The following ANKRD44 variants were observed in gnomAD, a reference collection of about 807,000 sequenced individuals.
ANKRD44 encodes serine/threonine-protein phosphatase 6 regulatory ankyrin repeat subunit B.
In ANKRD44, 35 loss-of-function variants were observed where a neutral mutation model predicts 116.0. The observed-to-expected ratio is 0.30, with a 90% CI of 0.23 to 0.40. The LOEUF is 0.40. Ranked by LOEUF, ANKRD44 falls within the 10% of genes least tolerant of loss-of-function variation. The pLI is 1.00. For synonymous variants in ANKRD44, 435 were observed against 461.8 expected (o/e 0.94, Z 0.74); for missense variants, 1,014 against 1,242.6 (o/e 0.82, Z 2.77).
At chr2:197,238,559 A>G (rs2082022629) in intron 1 of ANKRD44, among the ~76,000 whole-genome samples, 1 of 152,198 alleles carries the variant, frequency 6.6e-6, no homozygotes, top group Non-Finnish European at 1.5e-5. Context: ...GTTCAGCATC[A>G]TGTTACAGAA....
At chr2:197,179,413 C>T (rs570788926) in intron 2 of ANKRD44, among the ~76,000 whole-genome samples, 1 of 152,312 alleles carries the variant, frequency 6.6e-6, no homozygotes, top group East Asian at 1.9e-4. Flanking sequence ...CTTCTTTCTA[C>T]CTAATAATGT....
intron 1 of ANKRD44, among the ~76,000 whole-genome samples, chr2:197,259,806 A>T (rs1035870504): frequency 2.0e-5 from 3 of 152,216 alleles, no homozygotes; most frequent in African/African-American, 7.2e-5. Flanking sequence ...CTCCTGGGGC[A>T]TATAACCACC....
At chr2:197,257,414 A>T (rs1187586187) in intron 1 of ANKRD44, among the ~76,000 whole-genome samples, 1 of 152,146 alleles carries the variant, frequency 6.6e-6, no homozygotes, top group Non-Finnish European at 1.5e-5. Flanking sequence ...AACAGGCAGT[A>T]ACAGTCAGCT....
chr2:197,022,252 A>G (rs1440848605), intron 17 of ANKRD44, among the ~76,000 whole-genome samples: 1 of 152,242 alleles, frequency 6.6e-6, no homozygotes, highest in Admixed American at 6.5e-5. Flanking sequence ...GAGAGAAAGA[A>G]TAAAATGACT....
At chr2:197,262,912 A>C (rs1326297947) in intron 1 of ANKRD44, among the ~76,000 whole-genome samples, 2 of 152,180 alleles carry the variant, frequency 1.3e-5, no homozygotes, top group African/African-American at 4.8e-5. Flanking sequence ...TAAAAAAACA[A>C]AAACAAAAAC....
chr2:197,223,361 G>GT (rs1269126112), intron 1 of ANKRD44, among the ~76,000 whole-genome samples: 1 of 152,076 alleles, frequency 6.6e-6, no homozygotes, highest in East Asian at 1.9e-4. Flanking sequence ...AAATAATGTA[G>GT]TTTTTTAAAG....
chr2:196,987,424 G>A lies in ANKRD44; in HGVS notation c.*2167C>T. 1 of 985,070 alleles carries A rather than the reference G, an allele frequency of 1.0e-6. No individual in the cohort carries two copies. Among genetic ancestry groups the A allele is most frequent in the Non-Finnish European group, 1.2e-6 (1 of 829,770 alleles). The allele number at this position is 985,070 out of a possible 1,614,324, so 61.0% of individuals were successfully genotyped here. Reference sequence around the variant, plus strand: ...TTTCAGAATATACAAATATAAAAAGGCACTCTAACTTCATATTACAAGACA... The same window carrying A: ...TTTCAGAATATACAAATATAAAAAGACACTCTAACTTCATATTACAAGACA... On this transcript the variant is annotated 3_prime_UTR_variant, in exon 28 of 28. Transcript: ENST00000282272.
chr2:196,976,936 TTTTCCACTGAAAAACTA>T (rs1291879066), intron 21 of ANKRD44, among the ~76,000 whole-genome samples: 1 of 151,892 alleles, frequency 6.6e-6, no homozygotes, highest in Non-Finnish European at 1.5e-5. Context: ...AAGGAATAGT[TTTTCCACTGAAAAACTA>T]TTAGTGTTCA....
chr2:197,022,984 T>A (rs2076525485), intron 17 of ANKRD44, among the ~76,000 whole-genome samples: 2 of 152,244 alleles, frequency 1.3e-5, no homozygotes, highest in African/African-American at 2.4e-5. Flanking sequence ...CTGGATACTC[T>A]GCAAGGGCAG....
intron 1 of ANKRD44, among the ~76,000 whole-genome samples, chr2:197,259,943 G>GA (rs969810902): frequency 6.6e-6 from 1 of 152,096 alleles, no homozygotes; most frequent in African/African-American, 2.4e-5. Context: ...AAGAAAGAAA[G>GA]AAAAGAATGT....
At chr2:197,014,818 C>T (rs574473324) in intron 17 of ANKRD44, among the ~76,000 whole-genome samples, 3 of 151,660 alleles carry the variant, frequency 2.0e-5, no homozygotes, top group Admixed American at 6.6e-5. Context: ...ATGCTTTGTA[C>T]CATCAAAAAA....
intron 1 of ANKRD44, among the ~76,000 whole-genome samples, chr2:197,208,790 ACT>A (rs1182384230): frequency 1.3e-5 from 2 of 151,924 alleles, no homozygotes; most frequent in Non-Finnish European, 1.5e-5. Context: ...ACAGAGCGAG[ACT>A]CTGTCTCAAA....
chr2:197,143,760 G>A (rs1574541146), intron 3 of ANKRD44, among the ~76,000 whole-genome samples: 1 of 152,050 alleles, frequency 6.6e-6, no homozygotes, highest in African/African-American at 2.4e-5. Flanking sequence ...CTCCTGAGTA[G>A]CTGGGATTAC....
intron 1 of ANKRD44, among the ~76,000 whole-genome samples, chr2:197,211,434 T>C (rs890874561): frequency 2.6e-5 from 4 of 152,200 alleles, no homozygotes; most frequent in African/African-American, 4.8e-5. Context: ...AACCAGGTAC[T>C]TCCACCAAAG....
At chr2:197,230,850 C>G (rs757302563) in intron 1 of ANKRD44, among the ~76,000 whole-genome samples, 3 of 152,094 alleles carry the variant, frequency 2.0e-5, no homozygotes, top group Non-Finnish European at 2.9e-5. Flanking sequence ...GGTGGACAAA[C>G]CAGCAGAGGC....
At chr2:197,272,937 T>C (rs966255410) in intron 1 of ANKRD44, among the ~76,000 whole-genome samples, 1 of 152,256 alleles carries the variant, frequency 6.6e-6, no homozygotes, top group Admixed American at 6.5e-5. Context: ...ATTTGGGTTA[T>C]AAATAACTAT....
At chr2:196,996,141 A>C (rs2076007695) in intron 25 of ANKRD44, among the ~76,000 whole-genome samples, 1 of 152,210 alleles carries the variant, frequency 6.6e-6, no homozygotes, top group South Asian at 2.1e-4. Flanking sequence ...TGGCGTGCAG[A>C]CCAGTCACAT....
intron 1 of ANKRD44, among the ~76,000 whole-genome samples, chr2:197,256,778 G>A (rs2082458420): frequency 6.6e-6 from 1 of 152,116 alleles, no homozygotes; most frequent in South Asian, 2.1e-4. Context: ...CAAGAGGCTC[G>A]TATCCTAAGC....
At chr2:197,059,137 T>C (rs909677423) in intron 16 of ANKRD44, among the ~76,000 whole-genome samples, 13 of 151,442 alleles carry the variant, frequency 8.6e-5, no homozygotes, top group Middle Eastern at 6.8e-3. Flanking sequence ...CCAGAGAGAG[T>C]AGAGGGGTAG....
Sources: allele counts gnomAD v4.1 joint callset (sites outside exome capture counted in the v4.1 genomes callset), GRCh38; gene constraint gnomAD v4.1.1; transcripts MANE v1.5; gene names NCBI Gene and HGNC (gene_info 2026-07-23, HGNC 2026-07-21).